The following ASS1 variants were observed in gnomAD, a reference collection of about 807,000 sequenced individuals.
The protein encoded by ASS1 is argininosuccinate synthase 1.
ASS1 carries 58 observed loss-of-function variants against 60.5 expected under a neutral mutation model. That is an observed-to-expected ratio of 0.96 (90% CI 0.78 to 1.19). ASS1 has a LOEUF of 1.19. Among genes scored for constraint, ASS1 ranks in the 50% most tolerant of loss-of-function variants. ASS1 has a pLI of 0.00. For missense variants in ASS1, 454 were observed against 547.3 expected, an observed-to-expected ratio of 0.83 and a Z score of 1.70; for synonymous variants, 200 against 206.9, an observed-to-expected ratio of 0.97 and a Z score of 0.29.
chr9:130,489,288 T>C lies in ASS1; in HGVS notation c.839-45T>C. The C allele has an allele frequency of 6.2e-7, 1 of 1,611,714 alleles. No individual in the cohort carries two copies. The highest frequency in any genetic ancestry group is 8.5e-7 in the Non-Finnish European group (1 of 1,179,270). ...TGCTGACAGTTTGGGTTTCATGCGTTTCTCTCTTTTTTCTCCTTTTCCCCC... is the reference window on the plus strand; with the variant it reads ...TGCTGACAGTTTGGGTTTCATGCGTCTCTCTCTTTTTTCTCCTTTTCCCCC... On this transcript the variant is annotated intron_variant, in intron 11 of 14. Coordinates refer to ENST00000352480, the MANE Select transcript of ASS1 (RefSeq NM_054012.4). The surrounding 1 kb of genome is among the most constrained non-coding windows in gnomAD (Gnocchi z 4.1).
chr9:130,455,305 T>TATCC (rs535681848), intron 3 of ASS1, among the ~76,000 whole-genome samples: 371 of 150,164 alleles, frequency 2.5e-3, no homozygotes, highest in Non-Finnish European at 3.7e-3. Context: ...ATCCCTTCAT[T>TATCC]ATCCATCCAT....
At chr9:130,490,115 G>T (rs998027857) in intron 12 of ASS1, among the ~76,000 whole-genome samples, 3 of 152,188 alleles carry the variant, frequency 2.0e-5, no homozygotes, top group African/African-American at 2.4e-5. Flanking sequence ...AGCACCTGAG[G>T]CGGGGGTGTC....
chr9:130,447,548 C>G (rs535010320), intron 1 of ASS1, among the ~76,000 whole-genome samples: 4 of 152,368 alleles, frequency 2.6e-5, no homozygotes, highest in African/African-American at 9.6e-5. Context: ...GCTCTGGTAC[C>G]TTGACGCGAG....
At chr9:130,471,232 C>T (rs377414225) in intron 7 of ASS1, among the ~76,000 whole-genome samples, 47 of 152,188 alleles carry the variant, frequency 3.1e-4, no homozygotes, top group African/African-American at 1.1e-3. Context: ...GAGGCAGAGG[C>T]CCCCCCAACC....
chr9:130,485,520 C>T (rs1268688487), intron 11 of ASS1, among the ~76,000 whole-genome samples: 2 of 152,142 alleles, frequency 1.3e-5, no homozygotes, highest in Admixed American at 6.5e-5. Flanking sequence ...GACTGCCCTA[C>T]AGTTGGCCGA....
At chr9:130,471,805 A>G (rs1845873302) in intron 8 of ASS1, among the ~76,000 whole-genome samples, 1 of 152,198 alleles carries the variant, frequency 6.6e-6, no homozygotes, top group Non-Finnish European at 1.5e-5. Flanking sequence ...TGTGATTGTG[A>G]GACAATAAAG....
At chr9:130,463,900 C>T (rs1236147220) in intron 4 of ASS1, among the ~76,000 whole-genome samples, 2 of 151,866 alleles carry the variant, frequency 1.3e-5, no homozygotes, top group Non-Finnish European at 2.9e-5. Context: ...GACATGTGTG[C>T]CCTCTCCTAT....
chr9:130,500,769 T>G (rs1477628982), intron 14 of ASS1, among the ~76,000 whole-genome samples: 1 of 152,134 alleles, frequency 6.6e-6, no homozygotes, highest in East Asian at 1.9e-4. Flanking sequence ...ACAAACAATG[T>G]TTTCCCCCTA....
chr9:130,483,584 C>T (rs1285812315), intron 11 of ASS1, among the ~76,000 whole-genome samples: 2 of 151,754 alleles, frequency 1.3e-5, no homozygotes, highest in African/African-American at 2.4e-5. Flanking sequence ...CAAGGCAGGC[C>T]GGAGGGAAGC....
Position 130,501,274 on chromosome 9 carries a change from A to G in ASS1, c.*253A>G. On this transcript the variant is annotated 3_prime_UTR_variant, in exon 15 of 15. Coordinates refer to ENST00000352480, the MANE Select transcript of ASS1 (RefSeq NM_054012.4). Reference sequence around the variant, plus strand: ...AAAGAGACACTAGTCTTTTATTTCTAGTGAGTGTGTGTGTGTGTGTGTGTG... The same window carrying G: ...AAAGAGACACTAGTCTTTTATTTCTGGTGAGTGTGTGTGTGTGTGTGTGTG... 1 of 446,730 alleles carries G rather than the reference A, an allele frequency of 2.2e-6. No individual in the cohort carries two copies. 27.7% of individuals were successfully genotyped at this position (446,730 alleles called of 1,614,324 possible). A position where few individuals can be genotyped will look rare whatever the true frequency, so the allele number is the denominator to read the frequency against.
chr9:130,487,672 TAC>T (rs1846338452), intron 11 of ASS1, among the ~76,000 whole-genome samples: 1 of 152,112 alleles, frequency 6.6e-6, no homozygotes, highest in South Asian at 2.1e-4. Context: ...GAGTGGAACA[TAC>T]AGTGTTTGTT....
In ASS1 at chr9:130,458,525, G is replaced by A. The variant is rs138279074; in HGVS notation, c.299G>A (p.Arg100His). Residue 100 changes from arginine (R) to histidine (H), a missense_variant, in exon 4 of 15, where the codon CGC (arginine) becomes CAC (histidine). Coordinates refer to ENST00000352480, the MANE Select transcript of ASS1 (RefSeq NM_054012.4). The part of the protein sequence containing the change: ...GTSLARPCIA[R>H]KQVEIAQREG... ...TCTCTTGCCAGGCCCTGCATCGCCCGCAAACAAGTGGAAATCGCCCAGCGG... is the reference window on the plus strand; with the variant it reads ...TCTCTTGCCAGGCCCTGCATCGCCCACAAACAAGTGGAAATCGCCCAGCGG... 1.6e-4 allele frequency: 255 copies of A among 1,613,208 alleles called. No homozygotes were observed. The highest frequency in any genetic ancestry group is 5.7e-4 in the Admixed American group (34 of 60,014).
chr9:130,484,224 G>C (rs1420793669), intron 11 of ASS1, among the ~76,000 whole-genome samples: 2 of 152,156 alleles, frequency 1.3e-5, no homozygotes, highest in African/African-American at 2.4e-5. Flanking sequence ...CAAAGGACCA[G>C]AGCCTTTAGT....
In ASS1 at chr9:130,494,930, T is replaced by A; in HGVS notation, c.1034T>A (p.Val345Glu). The A allele has an allele frequency of 6.2e-7, 1 of 1,613,236 alleles. No homozygotes were observed. The highest frequency in any genetic ancestry group is 8.5e-7 in the Non-Finnish European group (1 of 1,179,874). Reference sequence around the variant, plus strand: ...TGCATCGCCAAGTCCCAGGAGCGAGTGGAAGGGAAAGTGCAGGTGTCCGTC... The same window carrying A: ...TGCATCGCCAAGTCCCAGGAGCGAGAGGAAGGGAAAGTGCAGGTGTCCGTC... ...RHCIAKSQERVEGKVQVSVLK... is the reference protein window; with the variant it reads ...RHCIAKSQEREEGKVQVSVLK... The change falls in exon 13 of 15, where the codon GTG (valine) becomes GAG (glutamate). Residue 345 changes from valine (V) to glutamate (E), a missense_variant. Val to Glu is a moderately radical substitution (Grantham distance 121). Coordinates refer to ENST00000352480, the MANE Select transcript of ASS1 (RefSeq NM_054012.4). This position sits in a 1 kb window ranked among gnomAD's most constrained non-coding sequence, Gnocchi z 4.3.
At chr9:130,481,027 C>G (rs1846160743) in intron 11 of ASS1, among the ~76,000 whole-genome samples, 1 of 152,248 alleles carries the variant, frequency 6.6e-6, no homozygotes, top group Non-Finnish European at 1.5e-5. Flanking sequence ...TGCCTGCCAC[C>G]TCGGCTGGCC....
rs1328054043 is a variant in ASS1 at position 130,494,380 on chromosome 9, G to C, written c.971-487G>C. Among the ~76,000 whole-genome samples, 1 of 152,210 alleles carries C rather than the reference G, an allele frequency of 6.6e-6. No individual in the cohort carries two copies. The highest frequency in any genetic ancestry group is 6.5e-5 in the Admixed American group (1 of 15,286). ...GAAACAGAGGCACAGAGAGGGGAAGGCTATGCATGGCCATGGTCTGAACCA... is the reference window on the plus strand; with the variant it reads ...GAAACAGAGGCACAGAGAGGGGAAGCCTATGCATGGCCATGGTCTGAACCA... On this transcript the variant is annotated intron_variant, in intron 12 of 14. Coordinates refer to ENST00000352480, the MANE Select transcript of ASS1 (RefSeq NM_054012.4). The surrounding 1 kb of genome is among the most constrained non-coding windows in gnomAD (Gnocchi z 4.3).
chr9:130,447,451 A>G (rs1352161488), intron 1 of ASS1, among the ~76,000 whole-genome samples: 2 of 152,192 alleles, frequency 1.3e-5, no homozygotes, highest in Admixed American at 1.3e-4. Flanking sequence ...GTGTCAAGTG[A>G]GCGCCCAGGC....
chr9:130,447,019 A>T (rs1274495192), intron 1 of ASS1, among the ~76,000 whole-genome samples: 1 of 152,226 alleles, frequency 6.6e-6, no homozygotes, highest in Non-Finnish European at 1.5e-5. Context: ...CCATCACCAA[A>T]GACAAACCGA....
At chr9:130,500,699 C>G (rs145594052) in intron 14 of ASS1, among the ~76,000 whole-genome samples, 1 of 152,246 alleles carries the variant, frequency 6.6e-6, no homozygotes, top group East Asian at 1.9e-4. Flanking sequence ...ACAAACAGGG[C>G]TTACATAGTG....
Sources: allele counts gnomAD v4.1 joint callset (sites outside exome capture counted in the v4.1 genomes callset), GRCh38; gene constraint gnomAD v4.1.1; non-coding constraint Gnocchi (gnomAD v3.1); transcripts MANE v1.5; gene names NCBI Gene and HGNC (gene_info 2026-07-23, HGNC 2026-07-21).